The following EXOC6B variants were observed in gnomAD, a reference collection of about 807,000 sequenced individuals.
The protein encoded by EXOC6B is exocyst complex component 6B.
Under a neutral mutation model 113.5 loss-of-function variants are expected in EXOC6B, and 54 were observed. The observed-to-expected ratio is 0.48, with a 90% CI of 0.38 to 0.60. The LOEUF is 0.60. Among genes scored for constraint, EXOC6B ranks in the 20% least tolerant of loss-of-function variants. EXOC6B has a pLI of 0.00. For missense variants in EXOC6B, 797 were observed against 977.5 expected (o/e 0.82, Z 2.46); for synonymous variants, 357 against 339.0 (o/e 1.05, Z -0.58).
chr2:72,199,515 G>A (rs939408886), intron 20 of EXOC6B, among the ~76,000 whole-genome samples: 3 of 152,168 alleles, frequency 2.0e-5, no homozygotes, highest in African/African-American at 4.8e-5. Flanking sequence ...CCTCTGGCAG[G>A]TTTCAATGAC....
At chr2:72,312,758 A>G (rs1302329155) in intron 20 of EXOC6B, among the ~76,000 whole-genome samples, 2 of 151,096 alleles carry the variant, frequency 1.3e-5, no homozygotes, top group African/African-American at 4.9e-5. Flanking sequence ...TTTGTCTCAA[A>G]AAACAACAAC....
chr2:72,253,956 C>G (rs1202027269), intron 20 of EXOC6B, among the ~76,000 whole-genome samples: 4 of 152,046 alleles, frequency 2.6e-5, no homozygotes, highest in Non-Finnish European at 5.9e-5. Context: ...GTCAGGAGAT[C>G]AAGACCATCC....
At chr2:72,760,335 A>C (rs1682666756) in intron 1 of EXOC6B, among the ~76,000 whole-genome samples, 2 of 152,192 alleles carry the variant, frequency 1.3e-5, no homozygotes, top group Non-Finnish European at 2.9e-5. Context: ...AGACAGTGTT[A>C]GTTTACTGAT....
intron 6 of EXOC6B, among the ~76,000 whole-genome samples, chr2:72,605,503 T>C (rs745835179): frequency 2.6e-5 from 4 of 152,158 alleles, no homozygotes; most frequent in Non-Finnish European, 5.9e-5. Context: ...ATACTAGTTA[T>C]CACTATATCA....
intron 18 of EXOC6B, among the ~76,000 whole-genome samples, chr2:72,401,108 CATTTATGTTAATGA>C (rs1693119778): frequency 6.6e-6 from 1 of 151,686 alleles, no homozygotes; most frequent in African/African-American, 2.4e-5. Flanking sequence ...ATAGATACAA[CATTTATGTTAATGA>C]GCTCCAAGTG....
intron 19 of EXOC6B, among the ~76,000 whole-genome samples, chr2:72,353,786 A>G (rs570270270): frequency 1.1e-4 from 17 of 152,322 alleles, no homozygotes; most frequent in Admixed American, 8.5e-4. Flanking sequence ...AACTGTGACA[A>G]AACATGTTTT....
At chr2:72,489,722 C>T (rs191986248) in intron 16 of EXOC6B, among the ~76,000 whole-genome samples, 61 of 152,212 alleles carry the variant, frequency 4.0e-4, no homozygotes, top group Non-Finnish European at 8.4e-4. Flanking sequence ...TTTCATAGAC[C>T]TTATGAAGCA....
At chr2:72,545,402 G>C (rs1401795875) in intron 8 of EXOC6B, among the ~76,000 whole-genome samples, 1 of 151,928 alleles carries the variant, frequency 6.6e-6, no homozygotes, top group African/African-American at 2.4e-5. Context: ...CAATCCTTCA[G>C]ATTAACTTTA....
At position 72,825,925 on chromosome 2, in the gene EXOC6B, C is replaced by T; in HGVS notation, c.-15G>A. ...CCCCGCTCCATAGACTGGGGGCGCC[C>T]CGCAGCGCGTCCCCTCCGTCGGCTC... On this transcript the variant is annotated 5_prime_UTR_variant, in exon 1 of 22. Coordinates refer to ENST00000272427, the MANE Select transcript of EXOC6B (RefSeq NM_015189.3). This position sits in a 1 kb window ranked among gnomAD's most constrained non-coding sequence, Gnocchi z 4.4. 1 of 1,610,862 alleles carries T rather than the reference C, an allele frequency of 6.2e-7. No individual in the cohort carries two copies. The highest frequency in any genetic ancestry group is 8.5e-7 in the Non-Finnish European group (1 of 1,179,226).
At chr2:72,595,451 C>T (rs1472054758) in intron 6 of EXOC6B, among the ~76,000 whole-genome samples, 1 of 149,812 alleles carries the variant, frequency 6.7e-6, no homozygotes, top group African/African-American at 2.4e-5. Context: ...AAAGAAAAAA[C>T]AAAAACTTTT....
chr2:72,408,611 G>A (rs1380657079), intron 18 of EXOC6B, among the ~76,000 whole-genome samples: 1 of 152,146 alleles, frequency 6.6e-6, no homozygotes, highest in African/African-American at 2.4e-5. Flanking sequence ...AACAAGAAAT[G>A]GGGGAACGAC....
rs113280603 is a variant in EXOC6B at position 72,234,186 on chromosome 2, A to C, written c.2197-49999T>G. Among the ~76,000 whole-genome samples, 96 of 150,088 alleles carry C rather than the reference A, an allele frequency of 6.4e-4. 2 individuals carry two copies. Among genetic ancestry groups the C allele is most frequent in the African/African-American group, 2.1e-3 (85 of 40,342 alleles). ...ACTGCAACCTCCGTCCCCCCGGTTT[A>C]AGCAATTCTCTGCCTCAGCCTCCTG... is the stretch of plus-strand genomic sequence containing the variant. On this transcript the variant is annotated intron_variant, in intron 20 of 21. Coordinates refer to ENST00000272427, the MANE Select transcript of EXOC6B (RefSeq NM_015189.3).
At chr2:72,578,880 T>C (rs767832096) in intron 6 of EXOC6B, among the ~76,000 whole-genome samples, 7 of 152,102 alleles carry the variant, frequency 4.6e-5, no homozygotes, top group Non-Finnish European at 1.0e-4. Flanking sequence ...AATTAGAGTA[T>C]AGGTTATAAA....
Position 72,712,201 on chromosome 2 carries a change from A to G in EXOC6B, c.669+5902T>C, listed in dbSNP as rs150527786. Among the ~76,000 whole-genome samples, 550 of 152,244 alleles carry G rather than the reference A, an allele frequency of 3.6e-3. 8 individuals carry two copies. The highest frequency in any genetic ancestry group is 0.013 in the African/African-American group (537 of 41,494). The stretch of plus-strand genomic sequence containing the variant: ...ATTGTTTCCTAGATCCAAAGGCAAT[A>G]TATCAATGTACAATTTTTTTAAAGT... On this transcript the variant is annotated intron_variant, in intron 6 of 21. Transcript: ENST00000272427.
intron 20 of EXOC6B, among the ~76,000 whole-genome samples, chr2:72,250,122 C>A (rs1368987864): frequency 6.6e-6 from 1 of 152,118 alleles, no homozygotes; most frequent in Non-Finnish European, 1.5e-5. Flanking sequence ...CAGAATGTAA[C>A]ACAAAGCTTA....
At position 72,489,046 on chromosome 2, in the gene EXOC6B, C is replaced by T. The variant is rs189954936; in HGVS notation, c.1665+3272G>A. On this transcript the variant is annotated intron_variant, in intron 16 of 21. Transcript: ENST00000272427. ...GCCAAGAACTTTCCTACCTTCAGGCCTTTGCTCTGGCTCTAATCTCTACCT... is the reference window on the plus strand; with the variant it reads ...GCCAAGAACTTTCCTACCTTCAGGCTTTTGCTCTGGCTCTAATCTCTACCT... Among the ~76,000 whole-genome samples, 26 of 152,274 alleles carry T rather than the reference C, an allele frequency of 1.7e-4. No individual in the cohort carries two copies. In the East Asian group the frequency reaches 5.0e-3, roughly 29 times the overall value.
rs891249168 is a variant in EXOC6B at position 72,316,850 on chromosome 2, T to C, written c.2196+18097A>G. On this transcript the variant is annotated intron_variant, in intron 20 of 21. Coordinates refer to ENST00000272427, the MANE Select transcript of EXOC6B (RefSeq NM_015189.3). ...GGACAATTAAATCTGCCTGAGGAGG[T>C]TGTGAAGGATTTATAAAGAAGATGA... Among the ~76,000 whole-genome samples, 100 of 151,892 alleles carry C rather than the reference T, an allele frequency of 6.6e-4. 1 individual carries two copies. The highest frequency in any genetic ancestry group is 1.8e-4 in the Non-Finnish European group (12 of 67,942).
chr2:72,433,378 T>C (rs907253475), intron 18 of EXOC6B, among the ~76,000 whole-genome samples: 1 of 152,214 alleles, frequency 6.6e-6, no homozygotes, highest in Non-Finnish European at 1.5e-5. Context: ...TATATTGTCT[T>C]GGCTACATGG....
At chr2:72,754,271 C>G (rs1682254445) in intron 1 of EXOC6B, among the ~76,000 whole-genome samples, 1 of 152,154 alleles carries the variant, frequency 6.6e-6, no homozygotes, top group Admixed American at 6.5e-5. Flanking sequence ...AGAGCTTAAG[C>G]TTGCATACTC....
Sources: allele counts gnomAD v4.1 joint callset (sites outside exome capture counted in the v4.1 genomes callset), GRCh38; gene constraint gnomAD v4.1.1; non-coding constraint Gnocchi (gnomAD v3.1); transcripts MANE v1.5; gene names NCBI Gene and HGNC (gene_info 2026-07-23, HGNC 2026-07-21).